Variants in ABAT observed in about 807,000 individuals in gnomAD.
ABAT encodes the protein 4-aminobutyrate aminotransferase, mitochondrial.
In ABAT, 45 loss-of-function variants were observed where a neutral mutation model predicts 64.6. That is an observed-to-expected ratio of 0.70 (90% CI 0.55 to 0.89). The LOEUF (loss-of-function observed/expected upper bound fraction) is 0.89. Ranked by LOEUF, ABAT falls within the 40% of genes least tolerant of loss-of-function variation. ABAT has a pLI of 0.00. For synonymous variants in ABAT, 297 were observed against 250.5 expected (o/e 1.19, Z -1.75); for missense variants, 633 against 658.4 (o/e 0.96, Z 0.42).
At chr16:8,675,335 G>A (rs2057172576) in intron 1 of ABAT, among the ~76,000 whole-genome samples, 1 of 151,976 alleles carries the variant, frequency 6.6e-6, no homozygotes, top group Non-Finnish European at 1.5e-5. Flanking sequence ...CACATTAAAG[G>A]CTTTTGGGGA....
chr16:8,742,087 C>A (rs2059177613), intron 2 of ABAT, among the ~76,000 whole-genome samples: 1 of 152,218 alleles, frequency 6.6e-6, no homozygotes, highest in African/African-American at 2.4e-5. Context: ...ACAGACCCAT[C>A]TGCCTTGGAC....
intron 1 of ABAT, among the ~76,000 whole-genome samples, chr16:8,718,216 G>C (rs761241428): frequency 2.6e-5 from 4 of 152,190 alleles, no homozygotes; most frequent in Non-Finnish European, 5.9e-5. Flanking sequence ...GCACATGGCA[G>C]GTGTGCGCTT....
intron 1 of ABAT, among the ~76,000 whole-genome samples, chr16:8,735,173 C>CA (rs79765636): frequency 0.058 from 4,209 of 72,152 alleles, 153 homozygotes; most frequent in African/African-American, 0.1. Context: ...GACTCCATCT[C>CA]AAAAAAAAAA....
intron 1 of ABAT, among the ~76,000 whole-genome samples, chr16:8,697,630 T>G (rs530105253): frequency 1.5e-5 from 2 of 130,494 alleles, no homozygotes; most frequent in East Asian, 2.9e-4. Flanking sequence ...GTTGTTTGTT[T>G]TTTGTTTTTT....
chr16:8,750,490 C>T lies in ABAT; in HGVS notation c.267C>T (p.Asp89=), dbSNP rs199666932. 912 of 1,614,122 alleles carry T rather than the reference C, an allele frequency of 5.7e-4. 3 individuals carry two copies. Among genetic ancestry groups the T allele is most frequent in the East Asian group, 2.4e-3 (108 of 44,886 alleles). ...GAGGCAATTACCTGGTTGATGTGGA[C>T]GGCAACCGAATGCTGGATCTTTATT... is the stretch of plus-strand genomic sequence containing the variant. ...ESRGNYLVDV[D]GNRMLDLYSQ... Residue 89 remains aspartate, a synonymous_variant, in exon 5 of 16, where the codon GAC becomes GAT. Transcript: ENST00000268251.
chr16:8,745,014 G>A (rs902867280), intron 2 of ABAT, among the ~76,000 whole-genome samples: 3 of 152,084 alleles, frequency 2.0e-5, no homozygotes, highest in South Asian at 2.1e-4. Context: ...TTGAGACAGC[G>A]TCTCACTCTG....
intron 2 of ABAT, among the ~76,000 whole-genome samples, chr16:8,743,007 TAAAAAA>T (rs71152928): frequency 2.4e-5 from 3 of 124,250 alleles, no homozygotes; most frequent in East Asian, 2.4e-4. Flanking sequence ...CTCATTTCTT[TAAAAAA>T]AAAAAAAAAA....
At chr16:8,692,482 C>T (rs1042808741) in intron 1 of ABAT, among the ~76,000 whole-genome samples, 1 of 152,192 alleles carries the variant, frequency 6.6e-6, no homozygotes, top group Non-Finnish European at 1.5e-5. Context: ...TGAGGTTTGC[C>T]TCTTGGAAGC....
chr16:8,714,249 GA>G (rs1349186362), intron 1 of ABAT, among the ~76,000 whole-genome samples: 1 of 152,204 alleles, frequency 6.6e-6, no homozygotes, highest in African/African-American at 2.4e-5. Context: ...GGGTCACCTT[GA>G]AAAGGCATTT....
intron 1 of ABAT, among the ~76,000 whole-genome samples, chr16:8,701,896 C>T (rs957097711): frequency 6.7e-6 from 1 of 149,632 alleles, no homozygotes; most frequent in Non-Finnish European, 1.5e-5. Flanking sequence ...TTCAAGGAAC[C>T]ACGAGGGGGC....
intron 6 of ABAT, among the ~76,000 whole-genome samples, chr16:8,758,587 T>TGG (rs34982194): frequency 6.6e-6 from 1 of 151,976 alleles, no homozygotes; most frequent in Non-Finnish European, 1.5e-5. Context: ...TTCTGTGTGG[T>TGG]GGGGGGCTGT....
At chr16:8,737,991 G>GAAAGAAAGAAA (rs55862439) in intron 2 of ABAT, among the ~76,000 whole-genome samples, 310 of 14,924 alleles carry the variant, frequency 0.021, 79 homozygotes, top group Middle Eastern at 0.059. Flanking sequence ...GAAGGAAGGA[G>GAAAGAAAGAAA]GAAAGAAAGA....
chr16:8,694,885 C>T (rs1428495636), intron 1 of ABAT, among the ~76,000 whole-genome samples: 1 of 152,218 alleles, frequency 6.6e-6, no homozygotes, highest in Non-Finnish European at 1.5e-5. Flanking sequence ...GCCGCCGCAT[C>T]CTAACACCTG....
intron 2 of ABAT, chr16:8,736,290 C>G (rs1027509216): frequency 7.6e-5 from 15 of 198,056 alleles, no homozygotes; most frequent in Non-Finnish European, 1.5e-4. Context: ...AATGAGGACA[C>G]AGCCAAACCA....
At chr16:8,777,218 C>A (rs113437573) in intron 14 of ABAT, among the ~76,000 whole-genome samples, 6 of 152,182 alleles carry the variant, frequency 3.9e-5, no homozygotes, top group African/African-American at 1.4e-4. Flanking sequence ...TATCTTTTGA[C>A]ACCAATTTCA....
intron 1 of ABAT, among the ~76,000 whole-genome samples, chr16:8,681,257 C>T (rs748022879): frequency 5.3e-5 from 8 of 152,004 alleles, no homozygotes; most frequent in Non-Finnish European, 1.2e-4. Flanking sequence ...TCCCAAAGTG[C>T]TGGGATTACA....
chr16:8,699,199 G>A (rs1596404389), intron 1 of ABAT, among the ~76,000 whole-genome samples: 3 of 152,316 alleles, frequency 2.0e-5, no homozygotes, highest in African/African-American at 7.2e-5. Context: ...ACCTCCCAGT[G>A]AGGGACTACT....
At chr16:8,779,388 C>A (rs1466558884) in intron 14 of ABAT, 91 bp from the exon 15 acceptor site, 4 of 1,084,190 alleles carry the variant, frequency 3.7e-6, no homozygotes, top group African/African-American at 3.1e-5. Context: ...GAGGCTGGAC[C>A]ATGGGAGGCC....
At chr16:8,713,813 G>A (rs1251731009) in intron 1 of ABAT, 1 of 455,394 alleles carries the variant, frequency 2.2e-6, no homozygotes. Flanking sequence ...CATACAGAAG[G>A]CATTTTAAGC....
Sources: allele counts gnomAD v4.1 joint callset (sites outside exome capture counted in the v4.1 genomes callset), GRCh38; gene constraint gnomAD v4.1.1; transcripts MANE v1.5; gene names NCBI Gene and HGNC (gene_info 2026-07-23, HGNC 2026-07-21).